The following FRAS1 variants were observed in gnomAD, a reference collection of about 807,000 sequenced individuals.
The protein encoded by FRAS1 is extracellular matrix organizing protein FRAS1.
A neutral mutation model predicts 435.2 loss-of-function variants in FRAS1; 290 were observed. The observed-to-expected ratio is 0.67, with a 90% confidence interval of 0.61 to 0.73. The LOEUF is 0.73. Ranked by LOEUF, FRAS1 falls within the 30% of genes least tolerant of loss-of-function variation. The pLI is 0.00. For synonymous variants in FRAS1, 1,800 were observed against 1,851.0 expected (o/e 0.97, Z 0.71); for missense variants, 4,860 against 5,001.5 (o/e 0.97, Z 0.85).
intron 2 of FRAS1, among the ~76,000 whole-genome samples, chr4:78,189,602 C>A (rs2110062034): frequency 6.6e-6 from 1 of 152,296 alleles, no homozygotes; most frequent in East Asian, 1.9e-4. Flanking sequence ...TGTAGGCCTT[C>A]TTCTCTTGCT....
chr4:78,438,620 C>A lies in FRAS1; in HGVS notation c.5268C>A (p.Pro1756=). The stretch of plus-strand genomic sequence containing the variant: ...TCTGGATTCAGTTAAATTATCTGCC[C>A]TCATATGGTACTCTCTTAAGAATCT... The part of the protein sequence containing the change: ...PEIWIQLNYL[P]SYGTLLRISG... Residue 1756 remains proline, a synonymous_variant, in exon 39 of 74, where the codon CCC becomes CCA. Coordinates refer to ENST00000512123, the MANE Select transcript of FRAS1 (RefSeq NM_025074.7). 1.2e-6 allele frequency: 2 copies of A among 1,613,738 alleles called. No homozygotes were observed. The highest frequency in any genetic ancestry group is 1.1e-5 in the South Asian group (1 of 91,046).
At chr4:78,505,101 A>C (rs1720792932) in intron 61 of FRAS1, among the ~76,000 whole-genome samples, 1 of 152,250 alleles carries the variant, frequency 6.6e-6, no homozygotes, top group East Asian at 1.9e-4. Flanking sequence ...ATCTGCTGTT[A>C]GTATGATGGG....
At chr4:78,250,186 G>GT (rs1725469303) in intron 4 of FRAS1, among the ~76,000 whole-genome samples, 1 of 152,092 alleles carries the variant, frequency 6.6e-6, no homozygotes, top group Admixed American at 6.6e-5. Flanking sequence ...AAAGAGAAAA[G>GT]TATACAAGCA....
At chr4:78,340,595 A>C (rs1481468417) in intron 20 of FRAS1, among the ~76,000 whole-genome samples, 2 of 152,216 alleles carry the variant, frequency 1.3e-5, no homozygotes, top group Non-Finnish European at 2.9e-5. Context: ...GCTTGCCTAC[A>C]AGAAATGGAC....
chr4:78,373,222 A>C (rs549837345), intron 24 of FRAS1, among the ~76,000 whole-genome samples: 9 of 152,030 alleles, frequency 5.9e-5, no homozygotes, highest in African/African-American at 2.2e-4. Context: ...TTATTTCACT[A>C]TCTGCCCCCT....
intron 2 of FRAS1, among the ~76,000 whole-genome samples, chr4:78,182,797 T>C (rs1182300553): frequency 6.7e-6 from 1 of 148,540 alleles, no homozygotes; most frequent in Non-Finnish European, 1.5e-5. Context: ...CGAGAATTGC[T>C]GGAACCCAGG....
intron 14 of FRAS1, among the ~76,000 whole-genome samples, chr4:78,297,854 A>G (rs1002308601): frequency 6.6e-6 from 1 of 152,094 alleles, no homozygotes; most frequent in African/African-American, 2.4e-5. Context: ...TATGTGAGAG[A>G]TAAGCTGTGG....
chr4:78,421,765 A>C, intron 33 of FRAS1, 98 bp from the exon 34 acceptor site: 1 of 1,358,818 alleles, frequency 7.4e-7, no homozygotes, highest in Non-Finnish European at 1.0e-6. Context: ...GAAGAATGTC[A>C]GACTCCCACC....
chr4:78,401,705 C>T (rs1732900230), intron 30 of FRAS1, among the ~76,000 whole-genome samples: 1 of 149,544 alleles, frequency 6.7e-6, no homozygotes, highest in Non-Finnish European at 1.5e-5. Flanking sequence ...AAATCTGCCT[C>T]TTTCTTGGAG....
intron 41 of FRAS1, among the ~76,000 whole-genome samples, chr4:78,443,615 C>T (rs147291039): frequency 2.6e-5 from 4 of 152,326 alleles, no homozygotes; most frequent in Admixed American, 6.5e-5. Flanking sequence ...CAATGATCGC[C>T]TGTGCGCATC....
intron 2 of FRAS1, among the ~76,000 whole-genome samples, chr4:78,094,857 G>T (rs1741712276): frequency 6.6e-6 from 1 of 152,042 alleles, no homozygotes; most frequent in Non-Finnish European, 1.5e-5. Flanking sequence ...GAATTCCTAT[G>T]CCTTGATTTC....
intron 2 of FRAS1, chr4:78,180,891 G>A: frequency 6.2e-7 from 1 of 1,602,002 alleles, no homozygotes. Flanking sequence ...GAATGCCTCT[G>A]GGTCATCCAC....
chr4:78,436,063 A>G (rs1305036582), intron 38 of FRAS1, among the ~76,000 whole-genome samples: 11 of 152,346 alleles, frequency 7.2e-5, no homozygotes, highest in Non-Finnish European at 1.5e-5. Context: ...GTGCTCATCA[A>G]AACACACCAC....
At chr4:78,327,901 C>G (rs1277474970) in intron 18 of FRAS1, among the ~76,000 whole-genome samples, 1 of 152,070 alleles carries the variant, frequency 6.6e-6, no homozygotes, top group African/African-American at 2.4e-5. Context: ...ATGTTAACAC[C>G]TGTACTTGCA....
intron 20 of FRAS1, among the ~76,000 whole-genome samples, chr4:78,341,598 G>T (rs1331358254): frequency 6.6e-6 from 1 of 152,138 alleles, no homozygotes; most frequent in Non-Finnish European, 1.5e-5. Context: ...CTGCAAAAAT[G>T]GTCTGAGTGG....
chr4:78,498,565 G>A (rs1406977342), intron 60 of FRAS1, among the ~76,000 whole-genome samples: 1 of 151,096 alleles, frequency 6.6e-6, no homozygotes, highest in South Asian at 2.1e-4. Context: ...AGATTTCAAA[G>A]GGCATTCTTA....
rs191645931 is a variant in FRAS1 at position 78,225,881 on chromosome 4, A to G, written c.109-11629A>G. Among the ~76,000 whole-genome samples the G allele has an allele frequency of 3.3e-3, 503 of 152,226 alleles. 3 individuals are homozygous for G. Among genetic ancestry groups the G allele is most frequent in the African/African-American group, 0.012 (489 of 41,536 alleles). ...AGTCTGACAATTTTTATCTTTTAAC[A>G]TGTTCCTGCATTATAATTATTGATT... On this transcript the variant is annotated intron_variant, in intron 2 of 73. Transcript: ENST00000512123.
intron 47 of FRAS1, 117 bp from the exon 48 acceptor site, chr4:78,463,904 C>T: frequency 8.8e-7 from 1 of 1,130,662 alleles, no homozygotes; most frequent in Non-Finnish European, 1.3e-6. Context: ...GAAATAAATG[C>T]TATAAGAAAA....
chr4:78,285,051 A>G (rs999175148), intron 13 of FRAS1, among the ~76,000 whole-genome samples: 3 of 152,220 alleles, frequency 2.0e-5, no homozygotes, highest in Admixed American at 2.0e-4. Context: ...CTTATCTCTT[A>G]TGGGCTACCA....
Sources: allele counts gnomAD v4.1 joint callset (sites outside exome capture counted in the v4.1 genomes callset), GRCh38; gene constraint gnomAD v4.1.1; transcripts MANE v1.5; gene names NCBI Gene and HGNC (gene_info 2026-07-23, HGNC 2026-07-21).